The following SHANK2 variants were observed in gnomAD, a reference collection of about 807,000 sequenced individuals.
The protein encoded by SHANK2 is SH3 and multiple ankyrin repeat domains 2.
Under a neutral mutation model 133.7 loss-of-function variants are expected in SHANK2, and 43 were observed. The ratio of observed to expected loss-of-function variants is 0.32; its 90% CI spans 0.25 to 0.41. The LOEUF (loss-of-function observed/expected upper bound fraction) is 0.41. Among genes scored for constraint, SHANK2 ranks in the 10% least tolerant of loss-of-function variants. The pLI is 1.00. For synonymous variants in SHANK2, 1,017 were observed against 952.8 expected, an observed-to-expected ratio of 1.07 and a Z score of -1.24; for missense variants, 1,994 against 2,235.8, an observed-to-expected ratio of 0.89 and a Z score of 2.18.
chr11:70,567,245 A>G (rs544377635), intron 17 of SHANK2, among the ~76,000 whole-genome samples: 5 of 152,324 alleles, frequency 3.3e-5, no homozygotes, highest in African/African-American at 1.2e-4. Flanking sequence ...GTGTGACTCT[A>G]TATGGAGACA....
chr11:71,168,448 C>T (rs1184546888), intron 2 of SHANK2, among the ~76,000 whole-genome samples: 53 of 152,120 alleles, frequency 3.5e-4, no homozygotes, highest in African/African-American at 1.3e-3. Flanking sequence ...GCTGCAATCT[C>T]GGCACCTTGG....
At chr11:70,702,256 CCAA>C (rs1470099042) in intron 14 of SHANK2, among the ~76,000 whole-genome samples, 2 of 150,806 alleles carry the variant, frequency 1.3e-5, no homozygotes, top group African/African-American at 2.4e-5. Flanking sequence ...ACTATCATCA[CCAA>C]CATCATCACC....
chr11:70,610,011 G>C (rs2060638103), intron 17 of SHANK2, among the ~76,000 whole-genome samples: 1 of 151,848 alleles, frequency 6.6e-6, no homozygotes, highest in Non-Finnish European at 1.5e-5. Context: ...TGCATCCATA[G>C]AGACAGAAAG....
At chr11:70,659,690 C>A in intron 17 of SHANK2, 138 bp downstream of exon 17, 3 of 1,060,960 alleles carry the variant, frequency 2.8e-6, no homozygotes, top group South Asian at 1.4e-5. Context: ...GTGGGAGAAA[C>A]TGACCAATGA....
Position 70,820,665 on chromosome 11 carries a change from G to C in SHANK2, c.1192C>G (p.Pro398Ala). Reference protein sequence around the residue: ...ETDIVPFREAPAYSNRRRRPP... With the variant: ...ETDIVPFREAAAYSNRRRRPP... The stretch of plus-strand genomic sequence containing the variant: ...CGCCGCCGGCGGTTGGAGTACGCCG[G>C]GGCCTCTCGGAAGGGCACTGGGGAG... Residue 398 changes from proline (P) to alanine (A), a missense_variant, in exon 12 of 26, where the codon CCG becomes GCG. Physicochemically the swap from Pro to Ala is conservative, Grantham distance 27. Coordinates refer to ENST00000601538, the MANE Select transcript of SHANK2 (RefSeq NM_012309.5). The C allele has an allele frequency of 1.4e-6, 1 of 690,868 alleles. No homozygotes were observed. Among genetic ancestry groups the C allele is most frequent in the South Asian group, 1.6e-5 (1 of 64,204 alleles). 42.8% of individuals were successfully genotyped at this position (690,868 alleles called of 1,614,324 possible). A position where few individuals can be genotyped will look rare whatever the true frequency, so the allele number is the denominator to read the frequency against.
intron 2 of SHANK2, among the ~76,000 whole-genome samples, chr11:71,181,147 C>T (rs1953547552): frequency 6.6e-6 from 1 of 152,030 alleles, no homozygotes; most frequent in Admixed American, 6.6e-5. Context: ...CAGCTTGCAG[C>T]ACAGAAGTGC....
chr11:71,161,381 T>TATA (rs1413533704), intron 2 of SHANK2, among the ~76,000 whole-genome samples: 3 of 152,218 alleles, frequency 2.0e-5, no homozygotes, highest in African/African-American at 7.2e-5. Flanking sequence ...ATTTACACTC[T>TATA]ATAGAGAATC....
At chr11:70,628,487 T>C (rs2060934942) in intron 17 of SHANK2, among the ~76,000 whole-genome samples, 1 of 152,142 alleles carries the variant, frequency 6.6e-6, no homozygotes, top group Non-Finnish European at 1.5e-5. Context: ...CCTTAATATA[T>C]CAAGAGCTCT....
intron 10 of SHANK2, among the ~76,000 whole-genome samples, chr11:70,946,982 C>T (rs556448763): frequency 1.3e-5 from 2 of 151,562 alleles, no homozygotes; most frequent in Non-Finnish European, 2.9e-5. Flanking sequence ...ACTAACCAAC[C>T]CTTCCCAGGC....
chr11:70,760,338 C>A (rs1335434531), intron 14 of SHANK2, among the ~76,000 whole-genome samples: 3 of 152,218 alleles, frequency 2.0e-5, no homozygotes, highest in African/African-American at 7.2e-5. Flanking sequence ...TCCCAGCTCA[C>A]AGGTTGTAAC....
In SHANK2 at chr11:70,625,810, G is replaced by GAAAAAAAAA. The variant is rs34147403; in HGVS notation, c.2061+34009_2061+34017dup. ...GCCTCTTGGATCTCTGTGCAAAAAT[G>GAAAAAAAAA]AAAAAAAAAAAAAAAAAAAAAAAAA... On this transcript the variant is annotated intron_variant, in intron 17 of 25. Transcript: ENST00000601538. 7.0e-4 allele frequency among the ~76,000 whole-genome samples: 29 copies of GAAAAAAAAA among 41,394 alleles called. 1 individual carries two copies. The highest frequency in any genetic ancestry group is 1.8e-3 in the East Asian group (2 of 1,122). The allele number at this position is 41,394 out of a possible 152,430, so 27.2% of individuals were successfully genotyped here.
At chr11:70,613,763 GTTTT>G (rs57180024) in intron 17 of SHANK2, among the ~76,000 whole-genome samples, 3 of 123,776 alleles carry the variant, frequency 2.4e-5, no homozygotes, top group Admixed American at 9.3e-5. Flanking sequence ...AGGGGAACTT[GTTTT>G]TTTTTTTTTT....
intron 11 of SHANK2, among the ~76,000 whole-genome samples, chr11:70,836,320 C>T (rs1367460229): frequency 6.6e-6 from 1 of 152,236 alleles, no homozygotes; most frequent in Non-Finnish European, 1.5e-5. Context: ...ACAGTGCCCG[C>T]TTCCACCCTT....
At position 70,658,034 on chromosome 11, in the gene SHANK2, G is replaced by A. The variant is rs546795448; in HGVS notation, c.2061+1794C>T. ...GAGGTTATCCAGGAAACAGTCCAATGAGCTGAACAACGGGGGTTGTTCTTG... is the reference window on the plus strand; with the variant it reads ...GAGGTTATCCAGGAAACAGTCCAATAAGCTGAACAACGGGGGTTGTTCTTG... On this transcript the variant is annotated intron_variant, in intron 17 of 25. Transcript: ENST00000601538. Among the ~76,000 whole-genome samples the A allele has an allele frequency of 4.6e-5, 7 of 152,206 alleles. No individual in the cohort carries two copies. In the South Asian group the frequency reaches 1.5e-3, roughly 32 times the overall value.
At chr11:70,571,708 C>T (rs1430848831) in intron 17 of SHANK2, among the ~76,000 whole-genome samples, 1 of 151,944 alleles carries the variant, frequency 6.6e-6, no homozygotes, top group East Asian at 1.9e-4. Flanking sequence ...CAGGCAAGGG[C>T]TGAGGTCGAT....
intron 9 of SHANK2, among the ~76,000 whole-genome samples, chr11:71,059,266 T>A (rs1487316992): frequency 6.6e-6 from 1 of 152,026 alleles, no homozygotes; most frequent in Admixed American, 6.6e-5. Context: ...GCTGAAAATC[T>A]AGAAGGAAAT....
At chr11:71,161,003 G>A (rs540032241) in intron 2 of SHANK2, among the ~76,000 whole-genome samples, 65 of 152,336 alleles carry the variant, frequency 4.3e-4, no homozygotes, top group South Asian at 2.7e-3. Context: ...TTGTTAACCA[G>A]AAATAAAATT....
intron 10 of SHANK2, among the ~76,000 whole-genome samples, chr11:70,930,837 T>G (rs1261811679): frequency 3.1e-5 from 2 of 64,700 alleles, no homozygotes; most frequent in Non-Finnish European, 5.0e-5. Flanking sequence ...CACCCAGCGG[T>G]TTTTTTTTTT....
chr11:70,476,128 T>C (rs560558268), intron 25 of SHANK2, among the ~76,000 whole-genome samples: 1 of 152,102 alleles, frequency 6.6e-6, no homozygotes, highest in African/African-American at 2.4e-5. Context: ...ACTGGGAGGC[T>C]GAGGCAGGAG....
Sources: gnomAD v4.1 joint callset for allele counts (sites outside exome capture counted in the v4.1 genomes callset) on GRCh38, gnomAD v4.1.1 for gene constraint, MANE v1.5 for transcripts, NCBI Gene and HGNC (gene_info 2026-07-23, HGNC 2026-07-21) for gene names.